The following AFF3 variants were observed in gnomAD, a reference collection of about 807,000 sequenced individuals.
AFF3 encodes the protein ALF transcription elongation factor 3.
In AFF3, 32 loss-of-function variants were observed where a neutral mutation model predicts 129.7. That is an observed-to-expected ratio of 0.25 (90% CI 0.19 to 0.33). The LOEUF is 0.33. Among genes scored for constraint, AFF3 ranks in the 10% least tolerant of loss-of-function variants. The probability of loss-of-function intolerance (pLI) is 1.00; values close to 1 mark genes in which losing one functional copy is unlikely to be tolerated. For synonymous variants in AFF3, 644 were observed against 635.4 expected (o/e 1.01, Z -0.20); for missense variants, 1,373 against 1,592.0 (o/e 0.86, Z 2.34).
intron 7 of AFF3, among the ~76,000 whole-genome samples, chr2:99,950,190 T>C (rs145713044): frequency 1.4e-3 from 207 of 152,298 alleles, no homozygotes; most frequent in African/African-American, 4.7e-3. Flanking sequence ...TTTGGACAAA[T>C]AATTATATAA....
chr2:99,962,132 C>T (rs1261687688), intron 7 of AFF3, among the ~76,000 whole-genome samples: 1 of 152,146 alleles, frequency 6.6e-6, no homozygotes, highest in Non-Finnish European at 1.5e-5. Context: ...TTCTTATAGG[C>T]TACATACTCC....
At chr2:99,847,017 G>A (rs1336053732) in intron 7 of AFF3, among the ~76,000 whole-genome samples, 1 of 152,180 alleles carries the variant, frequency 6.6e-6, no homozygotes, top group East Asian at 1.9e-4. Flanking sequence ...GCACAGGAGA[G>A]AAGGCTTATC....
chr2:99,546,450 AT>A lies in AFF3; in HGVS notation c.*5023del. On this transcript the variant is annotated 3_prime_UTR_variant, in exon 25 of 25. Coordinates refer to ENST00000672756, the MANE Select transcript of AFF3 (RefSeq NM_001386135.1). ...CCATCTGCAAACAAACCCTTTCTGC[AT>A]TTTTCTCTCTAGACACGAGTGAGTT... The A allele has an allele frequency of 4.3e-6, 1 of 232,968 alleles. No individual in the cohort carries two copies. Among genetic ancestry groups the A allele is most frequent in the Non-Finnish European group, 8.5e-6 (1 of 117,904 alleles). 14.4% of individuals were successfully genotyped at this position (232,968 alleles called of 1,614,324 possible).
chr2:99,759,205 T>C lies in AFF3; in HGVS notation c.922-6904A>G, dbSNP rs1040826569. ...TTTTCTCTTACATTCTGTTTTGTGTTATAGTTTTATGAATATGTACTTCAA... is the reference window on the plus strand; with the variant it reads ...TTTTCTCTTACATTCTGTTTTGTGTCATAGTTTTATGAATATGTACTTCAA... On this transcript the variant is annotated intron_variant, in intron 8 of 24. Coordinates refer to ENST00000672756, the MANE Select transcript of AFF3 (RefSeq NM_001386135.1). Among the ~76,000 whole-genome samples the C allele has an allele frequency of 1.6e-4, 25 of 152,084 alleles. 1 individual carries two copies.
At position 100,093,300 on chromosome 2, in the gene AFF3, A is replaced by G. The variant is rs1345258431; in HGVS notation, c.53+11102T>C. Among the ~76,000 whole-genome samples the G allele has an allele frequency of 3.4e-5, 5 of 149,000 alleles. No individual in the cohort carries two copies. The Admixed American group carries it at 3.4e-4, about 10-fold the overall frequency. ...ATTTCTGTAGAGATGGGGTCTCCCT[A>G]TGTTGCCCAGGCTGGTCTCAAACTC... On this transcript the variant is annotated intron_variant, in intron 4 of 24. Coordinates refer to ENST00000672756, the MANE Select transcript of AFF3 (RefSeq NM_001386135.1).
intron 7 of AFF3, among the ~76,000 whole-genome samples, chr2:99,951,852 G>T (rs915085997): frequency 6.6e-6 from 1 of 152,154 alleles, no homozygotes; most frequent in African/African-American, 2.4e-5. Flanking sequence ...TGCCATGTTG[G>T]CCAGGCTGGC....
chr2:99,739,763 T>G (rs1208237639), intron 10 of AFF3, among the ~76,000 whole-genome samples: 1 of 152,122 alleles, frequency 6.6e-6, no homozygotes, highest in African/African-American at 2.4e-5. Context: ...GATATTTTGT[T>G]TTTGGTTTCT....
chr2:99,952,577 CTG>C, intron 7 of AFF3, among the ~76,000 whole-genome samples: 1 of 152,206 alleles, frequency 6.6e-6, no homozygotes, highest in South Asian at 2.1e-4. Context: ...ACTGCCAGTC[CTG>C]TGTGTTATTA....
At chr2:99,627,490 T>C (rs1682704484) in intron 13 of AFF3, among the ~76,000 whole-genome samples, 1 of 152,192 alleles carries the variant, frequency 6.6e-6, no homozygotes, top group African/African-American at 2.4e-5. Flanking sequence ...GTCAGATGCA[T>C]AGTTTGCAAA....
intron 8 of AFF3, among the ~76,000 whole-genome samples, chr2:99,821,971 A>T (rs1687721471): frequency 6.6e-6 from 1 of 152,166 alleles, no homozygotes; most frequent in Non-Finnish European, 1.5e-5. Context: ...GGTGGTATAA[A>T]CACAAGTCTT....
chr2:99,677,226 T>C (rs1347852656), intron 11 of AFF3, among the ~76,000 whole-genome samples: 2 of 139,148 alleles, frequency 1.4e-5, no homozygotes, highest in Non-Finnish European at 1.5e-5. Flanking sequence ...GCCGAGGTTG[T>C]ACCACTGCAC....
chr2:99,931,766 A>T (rs1337287794), intron 7 of AFF3, among the ~76,000 whole-genome samples: 1 of 152,168 alleles, frequency 6.6e-6, no homozygotes, highest in Non-Finnish European at 1.5e-5. Flanking sequence ...AAAATTAGCC[A>T]GGCATGGTGG....
intron 7 of AFF3, among the ~76,000 whole-genome samples, chr2:99,956,899 A>C (rs1425984414): frequency 6.6e-6 from 1 of 152,238 alleles, no homozygotes; most frequent in Admixed American, 6.5e-5. Context: ...TCTATGCCAT[A>C]AGAATCATAA....
At chr2:100,026,827 G>A (rs562887411) in intron 4 of AFF3, among the ~76,000 whole-genome samples, 1 of 151,720 alleles carries the variant, frequency 6.6e-6, no homozygotes, top group Non-Finnish European at 1.5e-5. Flanking sequence ...AAGTAACTCA[G>A]GAATGGAAAA....
chr2:100,133,654 C>T (rs533564505), intron 1 of AFF3, among the ~76,000 whole-genome samples: 10 of 152,234 alleles, frequency 6.6e-5, no homozygotes, highest in South Asian at 4.2e-4. Flanking sequence ...TAAAATAGGC[C>T]GGGCACAGTG....
chr2:99,609,655 A>C lies in AFF3; in HGVS notation c.1185-8034T>G, dbSNP rs576554579. On this transcript the variant is annotated intron_variant, in intron 13 of 24. Coordinates refer to ENST00000672756, the MANE Select transcript of AFF3 (RefSeq NM_001386135.1). The stretch of plus-strand genomic sequence containing the variant: ...GATTGATGGATCAGTCCACTTATTT[A>C]AAAAATTCTATTTTGAAATAAATAC... 2.0e-5 allele frequency among the ~76,000 whole-genome samples: 3 copies of C among 152,344 alleles called. No homozygotes were observed. The South Asian group carries it at 6.2e-4, about 32-fold the overall frequency.
intron 7 of AFF3, among the ~76,000 whole-genome samples, chr2:99,937,116 T>C (rs1319922048): frequency 6.6e-6 from 1 of 152,166 alleles, no homozygotes; most frequent in African/African-American, 2.4e-5. Flanking sequence ...TTTTTGAATA[T>C]TTGCATTATA....
rs759708606 is a variant in AFF3, at chr2:99,672,519, A to G, written c.1143+19T>C. ...CCAGTGTCACCTCCAAAGGATGATG[A>G]CATAAAAGAGAATCTTACCTGTTCA... On this transcript the variant is annotated intron_variant, in intron 12 of 24. Transcript: ENST00000672756. 1 of 1,612,670 alleles carries G rather than the reference A, an allele frequency of 6.2e-7. No individual in the cohort carries two copies. The highest frequency in any genetic ancestry group is 8.5e-7 in the Non-Finnish European group (1 of 1,178,750).
chr2:100,023,229 A>G (rs1002973570), intron 4 of AFF3, among the ~76,000 whole-genome samples: 14 of 152,178 alleles, frequency 9.2e-5, no homozygotes, highest in Non-Finnish European at 2.1e-4. Flanking sequence ...GATAAACAAT[A>G]CGTGAGATTT....
Sources: allele counts gnomAD v4.1 joint callset (sites outside exome capture counted in the v4.1 genomes callset), GRCh38; gene constraint gnomAD v4.1.1; transcripts MANE v1.5; gene names NCBI Gene and HGNC (gene_info 2026-07-23, HGNC 2026-07-21).